Variants in ITGB1 observed in about 807,000 individuals in gnomAD.
ITGB1 encodes the protein integrin subunit beta 1, also known as integrin beta-1.
In ITGB1, 24 loss-of-function variants were observed where a neutral mutation model predicts 86.5. The observed-to-expected ratio is 0.28, with a 90% CI of 0.20 to 0.39. ITGB1 has a LOEUF of 0.39. ITGB1 is among the 10% of genes least tolerant of loss of function. The pLI is 1.00. For missense variants in ITGB1, 556 were observed against 946.9 expected (o/e 0.59, Z 5.42); for synonymous variants, 323 against 316.8 (o/e 1.02, Z -0.21).
At chr10:32,952,913 G>A (rs751040937) in intron 1 of ITGB1, among the ~76,000 whole-genome samples, 38 of 152,130 alleles carry the variant, frequency 2.5e-4, no homozygotes, top group Non-Finnish European at 2.1e-4. Context: ...AACTTCTATT[G>A]TAACTAATTG....
At chr10:32,903,351 CAAAAAAAAAAAAAA>C (rs35559257) in intron 15 of ITGB1, among the ~76,000 whole-genome samples, 5 of 57,042 alleles carry the variant, frequency 8.8e-5, no homozygotes, top group African/African-American at 1.4e-4. Context: ...GACTCCATCT[CAAAAAAAAAAAAAA>C]AAAAAAAAGA....
At chr10:32,905,300 G>C (rs1297793487) in intron 15 of ITGB1, among the ~76,000 whole-genome samples, 1 of 152,146 alleles carries the variant, frequency 6.6e-6, no homozygotes, top group Admixed American at 6.5e-5. Context: ...TATATCACTT[G>C]TAACTATTAA....
chr10:32,904,887 T>G (rs2094891884), intron 15 of ITGB1, among the ~76,000 whole-genome samples: 1 of 152,164 alleles, frequency 6.6e-6, no homozygotes, highest in South Asian at 2.1e-4. Context: ...TAAATAACAT[T>G]TACTGATAAT....
intron 1 of ITGB1, among the ~76,000 whole-genome samples, chr10:32,943,670 G>A (rs1056405625): frequency 1.3e-5 from 2 of 152,140 alleles, no homozygotes; most frequent in Non-Finnish European, 2.9e-5. Context: ...GGGGGAAAAG[G>A]CCTGTATTAA....
intron 3 of ITGB1, among the ~76,000 whole-genome samples, chr10:32,931,964 A>ATT (rs1435922741): frequency 6.6e-6 from 1 of 152,068 alleles, no homozygotes; most frequent in Non-Finnish European, 1.5e-5. Context: ...CCAAACCCTA[A>ATT]TTAACCTCAA....
chr10:32,939,063 G>A (rs1046485845), intron 1 of ITGB1, among the ~76,000 whole-genome samples: 1 of 152,184 alleles, frequency 6.6e-6, no homozygotes, highest in African/African-American at 2.4e-5. Context: ...TCCCAGGACA[G>A]CACTTCTCTA....
At chr10:32,920,815 T>G (rs375678339) in intron 9 of ITGB1, among the ~76,000 whole-genome samples, 1 of 40,552 alleles carries the variant, frequency 2.5e-5, no homozygotes. Context: ...TCCGCTAAAA[T>G]ACAAAAAAAA....
intron 1 of ITGB1, among the ~76,000 whole-genome samples, chr10:32,942,253 A>G (rs1193173622): frequency 6.6e-6 from 1 of 152,154 alleles, no homozygotes; most frequent in Non-Finnish European, 1.5e-5. Flanking sequence ...GGAGGTGAGA[A>G]AGCAAAGAGA....
chr10:32,910,009 A>G (rs1323339903), intron 14 of ITGB1, among the ~76,000 whole-genome samples: 1 of 152,164 alleles, frequency 6.6e-6, no homozygotes, highest in Admixed American at 6.5e-5. Context: ...TTTAATCTTC[A>G]AACTCTCCAC....
chr10:32,934,431 G>C (rs983158168), intron 2 of ITGB1, among the ~76,000 whole-genome samples: 1 of 152,090 alleles, frequency 6.6e-6, no homozygotes. Flanking sequence ...TTTATATCAG[G>C]GACTTGAGTA....
At chr10:32,955,763 T>G (rs1182317474) in intron 1 of ITGB1, 2 of 152,124 alleles carry the variant, frequency 1.3e-5, no homozygotes, top group African/African-American at 2.4e-5. Context: ...CGGGGCTGAT[T>G]TAAATTAAAT....
chr10:32,949,091 T>C (rs1187353502), intron 1 of ITGB1, among the ~76,000 whole-genome samples: 1 of 152,114 alleles, frequency 6.6e-6, no homozygotes, highest in Non-Finnish European at 1.5e-5. Context: ...AGTTATTTCA[T>C]TTAGAACTTT....
At chr10:32,918,811 C>CA (rs1249081703) in intron 11 of ITGB1, among the ~76,000 whole-genome samples, 2 of 151,476 alleles carry the variant, frequency 1.3e-5, no homozygotes, top group African/African-American at 4.9e-5. Flanking sequence ...TAAACACATG[C>CA]AAAAAAGTGT....
chr10:32,937,037 C>T (rs2095004198), intron 1 of ITGB1, among the ~76,000 whole-genome samples: 1 of 152,034 alleles, frequency 6.6e-6, no homozygotes, highest in African/African-American at 2.4e-5. Context: ...ATATCAAAAA[C>T]CATAAAAAAA....
At chr10:32,946,012 TA>T (rs1185154649) in intron 1 of ITGB1, among the ~76,000 whole-genome samples, 4 of 152,216 alleles carry the variant, frequency 2.6e-5, no homozygotes, top group African/African-American at 7.2e-5. Context: ...ATTGACATTA[TA>T]AGTTCTTGGA....
chr10:32,955,203 A>C (rs1463595431), intron 1 of ITGB1, among the ~76,000 whole-genome samples: 1 of 152,212 alleles, frequency 6.6e-6, no homozygotes, highest in Non-Finnish European at 1.5e-5. Context: ...CTCTGAAAAA[A>C]TAACCAGCCA....
intron 11 of ITGB1, 66 bp from the exon 12 acceptor site, chr10:32,912,190 C>T: frequency 7.7e-7 from 1 of 1,302,846 alleles, no homozygotes; most frequent in Non-Finnish European, 1.1e-6. Flanking sequence ...CCAAGATGGC[C>T]AAACAGGAAC....
At chr10:32,930,489 T>A (rs540910902) in intron 3 of ITGB1, among the ~76,000 whole-genome samples, 1 of 152,170 alleles carries the variant, frequency 6.6e-6, no homozygotes, top group Non-Finnish European at 1.5e-5. Flanking sequence ...CAACCCGATG[T>A]TTAGGGAAAA....
chr10:32,918,357 A>ATC (rs2094938552), intron 11 of ITGB1, among the ~76,000 whole-genome samples: 1 of 150,920 alleles, frequency 6.6e-6, no homozygotes, highest in Non-Finnish European at 1.5e-5. Flanking sequence ...AAAGAAGAAG[A>ATC]ATCATCTTGG....
Sources: gnomAD v4.1 joint callset for allele counts (sites outside exome capture counted in the v4.1 genomes callset) on GRCh38, gnomAD v4.1.1 for gene constraint, MANE v1.5 for transcripts, NCBI Gene and HGNC (gene_info 2026-07-23, HGNC 2026-07-21) for gene names.